HDAC8: variants seen among roughly 807,000 people sequenced by gnomAD.
HDAC8 encodes histone deacetylase-like 1.
Under a neutral mutation model 32.2 loss-of-function variants are expected in HDAC8, and 1 was observed. The observed-to-expected ratio is 0.03, with a 90% CI of 0.01 to 0.15. The LOEUF (loss-of-function observed/expected upper bound fraction) is 0.15. Among genes scored for constraint, HDAC8 ranks in the 10% least tolerant of loss-of-function variants. The pLI, the probability that HDAC8 is intolerant of heterozygous loss-of-function variation, is 1.00. For missense variants in HDAC8, 117 were observed against 300.0 expected (o/e 0.39, Z 4.51); for synonymous variants, 108 against 113.9 (o/e 0.95, Z 0.33).
intron 10 of HDAC8, among the ~76,000 whole-genome samples, chrX:72,337,562 T>G (rs1418871858): frequency 9.0e-6 from 1 of 111,149 alleles, no homozygotes; most frequent in Non-Finnish European, 1.9e-5. Flanking sequence ...CCTCTTTTTT[T>G]CCCTCCTTCA....
At chrX:72,407,481 G>GTTGTACAGATTATTTGAGCCTAA (rs1440453548) in intron 9 of HDAC8, among the ~76,000 whole-genome samples, 1 of 111,592 alleles carries the variant, frequency 9.0e-6, no homozygotes. Context: ...CCTTCAAATT[G>GTTGTACAGATTATTTGAGCCTAA]TCTGTGAGCC....
chrX:72,405,496 G>T (rs782780132), intron 9 of HDAC8, among the ~76,000 whole-genome samples: 1 of 112,244 alleles, frequency 8.9e-6, no homozygotes, highest in South Asian at 3.7e-4. Context: ...GGGATTGCTG[G>T]GTTGAATGGT....
At chrX:72,473,934 A>C in intron 7 of HDAC8, 6 of 722,577 alleles carry the variant, frequency 8.3e-6, no homozygotes, top group Non-Finnish European at 9.8e-6. Flanking sequence ...CTTCTTTGCA[A>C]CTTCTCCTCC....
chrX:72,333,103 T>C lies in HDAC8; in HGVS notation c.1112-3027A>G, dbSNP rs781938163. 2.9e-5 allele frequency among the ~76,000 whole-genome samples: 3 copies of C among 102,904 alleles called. No homozygotes were observed. The South Asian group carries it at 1.4e-3, about 48-fold the overall frequency. 89.4% of individuals were successfully genotyped at this position (102,904 alleles called of 115,157 possible). A position where few individuals can be genotyped will look rare whatever the true frequency, so the allele number is the denominator to read the frequency against. On this transcript the variant is annotated intron_variant, in intron 10 of 10. Transcript: ENST00000373573. ...GCTCCAATTCCTTATCAATTTTTTTTCTTTTTTTGGATCATGCTTTTGGTA... is the reference window on the plus strand; with the variant it reads ...GCTCCAATTCCTTATCAATTTTTTTCCTTTTTTTGGATCATGCTTTTGGTA...
intron 9 of HDAC8, among the ~76,000 whole-genome samples, chrX:72,384,707 T>C (rs782479050): frequency 5.3e-5 from 6 of 112,545 alleles, no homozygotes; most frequent in Non-Finnish European, 1.1e-4. Flanking sequence ...AAGTAATATA[T>C]GTATTTAGTT....
chrX:72,467,183 C>CAA (rs1279921462), intron 7 of HDAC8: 1 of 104,682 alleles, frequency 9.6e-6, no homozygotes, highest in Non-Finnish European at 1.9e-5. Context: ...GAGCTACACA[C>CAA]ACACACACAC....
In HDAC8 at chrX:72,345,891, C is replaced by T. The variant is rs186394682; in HGVS notation, c.1111+5842G>A. On this transcript the variant is annotated intron_variant, in intron 10 of 10. Transcript: ENST00000373573. ...TAGAGATGGGGTTTCACCATGTTGT[C>T]CAGGCTGGTCTTGAACTCCTCGGCT... Among the ~76,000 whole-genome samples the T allele has an allele frequency of 7.0e-3, 777 of 111,036 alleles. 5 individuals carry two copies. The highest frequency in any genetic ancestry group is 0.011 in the Non-Finnish European group (594 of 52,962).
intron 9 of HDAC8, among the ~76,000 whole-genome samples, chrX:72,355,611 G>A (rs139098157): frequency 8.9e-6 from 1 of 111,864 alleles, no homozygotes; most frequent in East Asian, 2.8e-4. Context: ...AGAAAGAAAT[G>A]TAAATAGCTC....
At position 72,572,599 on chromosome X, in the gene HDAC8, G is replaced by GCCCCCA. The variant is rs782170055; in HGVS notation, c.111+46_111+51dup. On this transcript the variant is annotated intron_variant, in intron 1 of 10. Transcript: ENST00000373573. ...GCTTCCTAACGCTCTTTCGTCCACC[G>GCCCCCA]CCCCCACCCCCACCCCCAAAGCCCA... 3.4e-4 allele frequency: 154 copies of GCCCCCA among 453,064 alleles called. 1 individual carries two copies. The African/African-American group carries it at 4.0e-3, about 12-fold the overall frequency. The allele number at this position is 453,064 out of a possible 1,213,427, so 37.3% of individuals were successfully genotyped here.
At chrX:72,456,772 C>G (rs782290388) in intron 9 of HDAC8, among the ~76,000 whole-genome samples, 1 of 111,247 alleles carries the variant, frequency 9.0e-6, no homozygotes, top group Non-Finnish European at 1.9e-5. Context: ...GCACTCCAGC[C>G]TGGGCGACAC....
rs1556012140 is a variant in HDAC8, at chrX:72,495,143, C to T, written c.550+13G>A. 4 of 1,156,547 alleles carry T rather than the reference C, an allele frequency of 3.5e-6. No individual in the cohort carries two copies. The stretch of plus-strand genomic sequence containing the variant: ...TCCTCGCAGCAAAGCATCTTTAAAA[C>T]CAAAGGGCTTACCATCTCCATGGTG... On this transcript the variant is annotated intron_variant, in intron 5 of 10. Transcript: ENST00000373573.
At chrX:72,414,984 G>T (rs190339583) in intron 9 of HDAC8, among the ~76,000 whole-genome samples, 4 of 111,813 alleles carry the variant, frequency 3.6e-5, no homozygotes, top group African/African-American at 6.5e-5. Flanking sequence ...ACTATTGTTC[G>T]GTTACCTTAC....
intron 9 of HDAC8, among the ~76,000 whole-genome samples, chrX:72,386,695 C>T (rs1426190004): frequency 9.0e-6 from 1 of 111,658 alleles, no homozygotes; most frequent in Non-Finnish European, 1.9e-5. Flanking sequence ...AGGAACCTAA[C>T]AGATAAGACA....
intron 9 of HDAC8, among the ~76,000 whole-genome samples, chrX:72,443,127 C>A (rs62471529): frequency 9.0e-6 from 1 of 110,534 alleles, no homozygotes; most frequent in South Asian, 3.9e-4. Flanking sequence ...GACAGATCAG[C>A]GAGACAGAAA....
intron 7 of HDAC8, chrX:72,467,981 G>T (rs1555995776): frequency 8.4e-7 from 1 of 1,191,805 alleles, no homozygotes; most frequent in Non-Finnish European, 1.1e-6. Context: ...TAGGGAAAAT[G>T]AGTCCTCAAG....
intron 9 of HDAC8, among the ~76,000 whole-genome samples, chrX:72,355,039 C>T (rs782330624): frequency 8.9e-6 from 1 of 112,043 alleles, no homozygotes; most frequent in Non-Finnish European, 1.9e-5. Context: ...TTCTTCCTGC[C>T]AGACCAAGCC....
At chrX:72,429,742 G>A (rs1278761473) in intron 9 of HDAC8, among the ~76,000 whole-genome samples, 1 of 111,681 alleles carries the variant, frequency 9.0e-6, no homozygotes, top group Non-Finnish European at 1.9e-5. Flanking sequence ...TCTTCATAGA[G>A]TGTGTGTGTG....
At chrX:72,502,679 T>C (rs1362287502) in intron 4 of HDAC8, among the ~76,000 whole-genome samples, 1 of 110,725 alleles carries the variant, frequency 9.0e-6, no homozygotes, top group African/African-American at 3.3e-5. Context: ...TCCGAGCATT[T>C]TGGGAGGCTG....
rs1556142334 is a variant in HDAC8 at position 72,568,818 on chromosome X, C to T, written c.231G>A (p.Gln77=). ...CCTCTTGGCTGACCTTCTGGAGATG[C>T]TGCAGATAAGCATCAGTGTGGAAGG... The part of the protein sequence containing the change: ...MATFHTDAYL[Q]HLQKVSQEGD... Residue 77 remains glutamine, a synonymous_variant, in exon 3 of 11, where the codon CAG becomes CAA. Coordinates refer to ENST00000373573, the MANE Select transcript of HDAC8 (RefSeq NM_018486.3). 1 of 1,211,010 alleles carries T rather than the reference C, an allele frequency of 8.3e-7. No homozygotes were observed. Among genetic ancestry groups the T allele is most frequent in the South Asian group, 1.8e-5 (1 of 56,905 alleles).
Sources: allele counts gnomAD v4.1 joint callset (sites outside exome capture counted in the v4.1 genomes callset), GRCh38; gene constraint gnomAD v4.1.1; transcripts MANE v1.5; gene names NCBI Gene and HGNC (gene_info 2026-07-23, HGNC 2026-07-21).